Variants in DGKB observed in about 807,000 individuals in gnomAD.
The protein encoded by DGKB is 90 kDa diacylglycerol kinase.
A neutral mutation model predicts 114.3 loss-of-function variants in DGKB; 67 were observed. That is an observed-to-expected ratio of 0.59 (90% CI 0.48 to 0.72). DGKB has a LOEUF of 0.72. Ranked by LOEUF, DGKB falls within the 30% of genes least tolerant of loss-of-function variation. The pLI, the probability that DGKB is intolerant of heterozygous loss-of-function variation, is 0.00. For missense variants in DGKB, 907 were observed against 975.2 expected, an observed-to-expected ratio of 0.93 and a Z score of 0.93; for synonymous variants, 398 against 323.1, an observed-to-expected ratio of 1.23 and a Z score of -2.49.
At chr7:14,876,760 T>C (rs191528472) in intron 1 of DGKB, among the ~76,000 whole-genome samples, 191 of 152,332 alleles carry the variant, frequency 1.3e-3, no homozygotes, top group Non-Finnish European at 7.8e-4. Context: ...CTCAAAATTC[T>C]ATATACCTCC....
At chr7:14,655,082 A>G (rs1466358339) in intron 13 of DGKB, among the ~76,000 whole-genome samples, 1 of 151,790 alleles carries the variant, frequency 6.6e-6, no homozygotes, top group East Asian at 1.9e-4. Flanking sequence ...AAACAATCAC[A>G]GAGTGAACAG....
rs1824922301 is a variant in DGKB, at chr7:14,411,781, A to AT, written c.1835+66379_1835+66380insA. 1.9e-4 allele frequency among the ~76,000 whole-genome samples: 2 copies of AT among 10,636 alleles called. 1 individual carries two copies. The allele number at this position is 10,636 out of a possible 152,430, so 7.0% of individuals were successfully genotyped here. ...CCCTACCTCTTTCTTTTTTTTCTGG[A>AT]AATAATTATAGATACAAAGAAAGCT... On this transcript the variant is annotated intron_variant, in intron 21 of 25. Transcript: ENST00000402815.
intron 1 of DGKB, among the ~76,000 whole-genome samples, chr7:14,891,791 G>C (rs985653117): frequency 6.6e-6 from 1 of 151,412 alleles, no homozygotes; most frequent in Non-Finnish European, 1.5e-5. Flanking sequence ...TGAAGTACCT[G>C]GGTGGCAGGG....
chr7:14,707,450 C>G (rs1826495405), intron 6 of DGKB, among the ~76,000 whole-genome samples: 1 of 136,664 alleles, frequency 7.3e-6, no homozygotes, highest in African/African-American at 2.8e-5. Flanking sequence ...AGAGGGAATC[C>G]TCCCTAACTC....
intron 1 of DGKB, among the ~76,000 whole-genome samples, chr7:14,973,996 A>C (rs2115317811): frequency 6.6e-6 from 1 of 151,436 alleles, no homozygotes; most frequent in Middle Eastern, 3.4e-3. Flanking sequence ...TGTTATCAGG[A>C]AGGAATTCCT....
At position 14,191,787 on chromosome 7, in the gene DGKB, C is replaced by G. The variant is rs1185688801; in HGVS notation, c.2123-13636G>C. The G allele has an allele frequency of 1.4e-5, 5 of 357,524 alleles. No individual in the cohort carries two copies. In the Admixed American group the frequency reaches 1.6e-4, roughly 11 times the overall value. 22.1% of individuals were successfully genotyped at this position (357,524 alleles called of 1,614,324 possible). A position where few individuals can be genotyped will look rare whatever the true frequency, so the allele number is the denominator to read the frequency against. On this transcript the variant is annotated intron_variant, in intron 23 of 25. Transcript: ENST00000402815. ...CCACCAATGGAAACAAATGGCTTTC[C>G]TACTCAGGTGACTATTCTGCACCAA... is the stretch of plus-strand genomic sequence containing the variant.
At chr7:14,360,260 C>A (rs1472234289) in intron 21 of DGKB, among the ~76,000 whole-genome samples, 1 of 151,848 alleles carries the variant, frequency 6.6e-6, no homozygotes, top group Non-Finnish European at 1.5e-5. Flanking sequence ...GGGAATTGAA[C>A]AATGAGAACA....
In DGKB at chr7:14,470,537, G is replaced by A. The variant is rs575679465; in HGVS notation, c.1835+7624C>T. On this transcript the variant is annotated intron_variant, in intron 21 of 25. Transcript: ENST00000402815. ...AATGTCAGTAATTTAAAAATCAATTGTACTCCTGAAATAACAGTTTAATTC... is the reference window on the plus strand; with the variant it reads ...AATGTCAGTAATTTAAAAATCAATTATACTCCTGAAATAACAGTTTAATTC... Among the ~76,000 whole-genome samples the A allele has an allele frequency of 3.5e-4, 53 of 151,884 alleles. No individual in the cohort carries two copies. The South Asian group carries it at 3.5e-3, about 10-fold the overall frequency.
chr7:14,489,351 A>G (rs1405194550), intron 20 of DGKB, among the ~76,000 whole-genome samples: 1 of 152,180 alleles, frequency 6.6e-6, no homozygotes, highest in Non-Finnish European at 1.5e-5. Flanking sequence ...AGTAAATTAG[A>G]TATTTAACTC....
chr7:14,545,325 T>C (rs936390942), intron 20 of DGKB, among the ~76,000 whole-genome samples: 5 of 152,130 alleles, frequency 3.3e-5, no homozygotes, highest in Non-Finnish European at 7.3e-5. Context: ...TGAGTATGAG[T>C]GTTCGACCAT....
At chr7:14,244,669 CAAAAAAAAAAAAA>C (rs34364672) in intron 23 of DGKB, among the ~76,000 whole-genome samples, 7 of 46,398 alleles carry the variant, frequency 1.5e-4, no homozygotes, top group Non-Finnish European at 2.8e-4. Flanking sequence ...GACTCTGTCT[CAAAAAAAAAAAAA>C]AAAAAAAAAA....
chr7:14,803,440 G>C (rs1013326371), intron 2 of DGKB, among the ~76,000 whole-genome samples: 4 of 152,076 alleles, frequency 2.6e-5, no homozygotes, highest in African/African-American at 4.8e-5. Context: ...GATGTAAGAA[G>C]TGTAAAAAGT....
intron 23 of DGKB, among the ~76,000 whole-genome samples, chr7:14,179,043 A>C (rs1460188916): frequency 6.6e-6 from 1 of 152,244 alleles, no homozygotes; most frequent in Non-Finnish European, 1.5e-5. Context: ...AAGTGAACCT[A>C]ATTGCTTTGA....
intron 4 of DGKB, among the ~76,000 whole-genome samples, chr7:14,744,677 C>T (rs1017220809): frequency 3.9e-5 from 6 of 152,168 alleles, no homozygotes; most frequent in African/African-American, 1.2e-4. Flanking sequence ...GCACTTTATG[C>T]AAACTGTCAG....
chr7:14,654,028 T>C (rs934484396), intron 13 of DGKB, among the ~76,000 whole-genome samples: 1 of 152,018 alleles, frequency 6.6e-6, no homozygotes, highest in Non-Finnish European at 1.5e-5. Flanking sequence ...CTAGCAGACC[T>C]AGGCAGAGCA....
chr7:14,642,659 G>A (rs924252400), intron 13 of DGKB, among the ~76,000 whole-genome samples: 1 of 152,016 alleles, frequency 6.6e-6, no homozygotes, highest in African/African-American at 2.4e-5. Context: ...AAGAAACTCA[G>A]GGAAATTCTG....
chr7:14,335,050 G>A (rs1348318201), intron 23 of DGKB, among the ~76,000 whole-genome samples: 1 of 152,146 alleles, frequency 6.6e-6, no homozygotes, highest in Admixed American at 6.5e-5. Context: ...GTAATTACAT[G>A]AATTACTCAC....
chr7:14,448,490 G>A (rs1831031529), intron 21 of DGKB, among the ~76,000 whole-genome samples: 1 of 152,058 alleles, frequency 6.6e-6, no homozygotes. Flanking sequence ...GTGGAAGGCA[G>A]ATGGTAGTAA....
intron 6 of DGKB, among the ~76,000 whole-genome samples, chr7:14,714,817 T>G (rs1299478562): frequency 2.0e-5 from 3 of 152,142 alleles, no homozygotes; most frequent in Non-Finnish European, 2.9e-5. Flanking sequence ...AAAAACTAAT[T>G]GACATCATGG....
Sources: allele counts gnomAD v4.1 joint callset (sites outside exome capture counted in the v4.1 genomes callset), GRCh38; gene constraint gnomAD v4.1.1; transcripts MANE v1.5; gene names NCBI Gene and HGNC (gene_info 2026-07-23, HGNC 2026-07-21).